The following CREB3L2 variants were observed in gnomAD, a reference collection of about 807,000 sequenced individuals.
CREB3L2 encodes the protein cAMP responsive element binding protein 3 like 2, also known as cyclic AMP-responsive element-binding protein 3-like protein 2.
A neutral mutation model predicts 57.2 loss-of-function variants in CREB3L2; 23 were observed. The observed-to-expected ratio is 0.40, with a 90% CI of 0.29 to 0.57. The LOEUF (loss-of-function observed/expected upper bound fraction) is 0.57, where lower values mean the gene tolerates loss of function less well. Ranked by LOEUF, CREB3L2 falls within the 20% of genes least tolerant of loss-of-function variation. The pLI, the probability that CREB3L2 is intolerant of heterozygous loss-of-function variation, is 0.42. For synonymous variants in CREB3L2, 268 were observed against 265.1 expected, an observed-to-expected ratio of 1.01 and a Z score of -0.11; for missense variants, 628 against 634.7, an observed-to-expected ratio of 0.99 and a Z score of 0.11.
At chr7:137,893,297 A>G (rs1799559296) in intron 8 of CREB3L2, among the ~76,000 whole-genome samples, 1 of 152,240 alleles carries the variant, frequency 6.6e-6, no homozygotes, top group Non-Finnish European at 1.5e-5. Flanking sequence ...TGGGGAACTT[A>G]GTTTAGTACC....
intron 1 of CREB3L2, among the ~76,000 whole-genome samples, chr7:137,959,298 G>A (rs1801276992): frequency 6.6e-6 from 1 of 152,196 alleles, no homozygotes; most frequent in Middle Eastern, 3.2e-3. Flanking sequence ...CTCCCTCCTG[G>A]AACCTTCAGC....
At chr7:137,992,914 G>C (rs1253790118) in intron 1 of CREB3L2, among the ~76,000 whole-genome samples, 1 of 152,202 alleles carries the variant, frequency 6.6e-6, no homozygotes, top group African/African-American at 2.4e-5. Flanking sequence ...GAGGATACAG[G>C]GTAGAGACTA....
intron 1 of CREB3L2, among the ~76,000 whole-genome samples, chr7:138,000,806 C>T (rs186848034): frequency 5.3e-5 from 8 of 152,092 alleles, no homozygotes; most frequent in Admixed American, 5.2e-4. Flanking sequence ...AAACTTAATA[C>T]CAAAAACTTG....
chr7:137,979,270 T>C (rs1801669727), intron 1 of CREB3L2, among the ~76,000 whole-genome samples: 1 of 152,198 alleles, frequency 6.6e-6, no homozygotes, highest in Non-Finnish European at 1.5e-5. Context: ...TTTTCTTTCA[T>C]GAAACTTTTC....
chr7:137,951,198 G>A (rs1801087918), intron 1 of CREB3L2, among the ~76,000 whole-genome samples: 1 of 152,092 alleles, frequency 6.6e-6, no homozygotes, highest in Non-Finnish European at 1.5e-5. Flanking sequence ...TGACGTTGCT[G>A]TCTAAAACAC....
At chr7:137,961,802 T>C (rs1273729828) in intron 1 of CREB3L2, among the ~76,000 whole-genome samples, 3 of 152,210 alleles carry the variant, frequency 2.0e-5, no homozygotes, top group Non-Finnish European at 4.4e-5. Flanking sequence ...CATTCATCCT[T>C]TGCTGCTTCT....
chr7:137,918,909 A>G (rs886588526), intron 2 of CREB3L2, among the ~76,000 whole-genome samples: 3 of 152,124 alleles, frequency 2.0e-5, no homozygotes, highest in Non-Finnish European at 4.4e-5. Context: ...CAAACATACA[A>G]ATATCATCAG....
chr7:137,960,632 A>C (rs1278570390), intron 1 of CREB3L2, among the ~76,000 whole-genome samples: 1 of 152,274 alleles, frequency 6.6e-6, no homozygotes, highest in East Asian at 1.9e-4. Context: ...TCTAAAGCAC[A>C]TACCTGGAAA....
rs140147853 is a variant in CREB3L2 at position 137,942,707 on chromosome 7, T to C, written c.103-14341A>G. ...TTCTGCAGTCCTGCTGGAAAACACA[T>C]GCAATCACCATATGTTAAAAGTTAT... On this transcript the variant is annotated intron_variant, in intron 1 of 11. Coordinates refer to ENST00000330387, the MANE Select transcript of CREB3L2 (RefSeq NM_194071.4). 2.2e-3 allele frequency among the ~76,000 whole-genome samples: 335 copies of C among 152,322 alleles called. 1 individual carries two copies. Among genetic ancestry groups the C allele is most frequent in the African/African-American group, 7.3e-3 (304 of 41,578 alleles).
chr7:137,903,812 G>T (rs1799820170), intron 7 of CREB3L2, 147 bp downstream of exon 7: 2 of 677,082 alleles, frequency 3.0e-6, no homozygotes, highest in Admixed American at 2.5e-5. Flanking sequence ...ATAACCACTA[G>T]GTGGCAGGCA....
chr7:137,908,187 T>C, intron 5 of CREB3L2, 65 bp downstream of exon 5: 1 of 1,129,588 alleles, frequency 8.9e-7, no homozygotes, highest in South Asian at 4.5e-5. Context: ...CTGCTCTGGA[T>C]ACAGCCCCAG....
At chr7:137,969,785 C>CAT (rs1393943815) in intron 1 of CREB3L2, among the ~76,000 whole-genome samples, 2 of 61,816 alleles carry the variant, frequency 3.2e-5, no homozygotes, top group Non-Finnish European at 5.2e-5. Flanking sequence ...CACACACACA[C>CAT]ACACACACAA....
intron 1 of CREB3L2, among the ~76,000 whole-genome samples, chr7:137,938,343 T>C (rs545879481): frequency 6.6e-6 from 1 of 152,128 alleles, no homozygotes; most frequent in Non-Finnish European, 1.5e-5. Flanking sequence ...AATGGGTTTT[T>C]TGTTTGTTTG....
intron 1 of CREB3L2, among the ~76,000 whole-genome samples, chr7:137,972,941 C>CA (rs1277592560): frequency 6.6e-6 from 1 of 150,934 alleles, no homozygotes; most frequent in Non-Finnish European, 1.5e-5. Context: ...ACCCTGGTAA[C>CA]AAAGTCCTCT....
Position 137,882,451 on chromosome 7 carries a change from C to G in CREB3L2, c.1448G>C (p.Ser483Thr). Residue 483 changes from serine to threonine, a missense_variant, in exon 11 of 12, where the codon AGC becomes ACC. Physicochemically the swap from Ser to Thr is moderately conservative, Grantham distance 58 (BLOSUM62 1). Coordinates refer to ENST00000330387, the MANE Select transcript of CREB3L2 (RefSeq NM_194071.4). ...CTCCAAAAGCACTGACTTCTCCAGG[C>G]TGGTCTCATTCGAGATAATGAAATG... is the stretch of plus-strand genomic sequence containing the variant. Reference protein sequence around the residue: ...LPHFIISNETSLEKSVLLELQ... With the variant: ...LPHFIISNETTLEKSVLLELQ... The G allele has an allele frequency of 6.2e-7, 1 of 1,614,038 alleles. No homozygotes were observed. The highest frequency in any genetic ancestry group is 8.5e-7 in the Non-Finnish European group (1 of 1,179,938).
At chr7:137,894,348 C>A (rs1799578411) in intron 8 of CREB3L2, among the ~76,000 whole-genome samples, 1 of 152,148 alleles carries the variant, frequency 6.6e-6, no homozygotes, top group Non-Finnish European at 1.5e-5. Context: ...ACTCTGTCTA[C>A]TGAGCAATAG....
At chr7:137,988,513 C>T (rs1801828840) in intron 1 of CREB3L2, among the ~76,000 whole-genome samples, 2 of 152,168 alleles carry the variant, frequency 1.3e-5, no homozygotes, top group African/African-American at 4.8e-5. Context: ...ATTGTTGATG[C>T]CTCTGTGATC....
At chr7:137,913,243 T>A (rs1364020050) in intron 3 of CREB3L2, among the ~76,000 whole-genome samples, 165 bp from the exon 4 acceptor site, 4 of 152,140 alleles carry the variant, frequency 2.6e-5, no homozygotes, top group African/African-American at 9.7e-5. Context: ...ATTTTAGTTC[T>A]TAACCTTTTT....
At position 137,879,845 on chromosome 7, in the gene CREB3L2, G is replaced by T. The variant is rs962388806; in HGVS notation, c.*631C>A. 8.5e-6 allele frequency: 2 copies of T among 234,876 alleles called. No individual in the cohort carries two copies. Among genetic ancestry groups the T allele is most frequent in the Non-Finnish European group, 1.7e-5 (2 of 119,050 alleles). 14.5% of individuals were successfully genotyped at this position (234,876 alleles called of 1,614,324 possible). A position where few individuals can be genotyped will look rare whatever the true frequency, so the allele number is the denominator to read the frequency against. Reference sequence around the variant, plus strand: ...AAAAGCGACAAGATGGGGCAGGTTTGCCTGGAGTAGAAAAGCCTGATCCCC... The same window carrying T: ...AAAAGCGACAAGATGGGGCAGGTTTTCCTGGAGTAGAAAAGCCTGATCCCC... On this transcript the variant is annotated 3_prime_UTR_variant, in exon 12 of 12. Transcript: ENST00000330387.
Sources: gnomAD v4.1 joint callset for allele counts (sites outside exome capture counted in the v4.1 genomes callset) on GRCh38, gnomAD v4.1.1 for gene constraint, MANE v1.5 for transcripts, NCBI Gene and HGNC (gene_info 2026-07-23, HGNC 2026-07-21) for gene names.